Variants in SPTLC3 observed in about 807,000 individuals in gnomAD.
SPTLC3 encodes the protein serine palmitoyltransferase long chain base subunit 3.
Under a neutral mutation model 59.3 loss-of-function variants are expected in SPTLC3, and 36 were observed. That is an observed-to-expected ratio of 0.61 (90% CI 0.47 to 0.80). The LOEUF (loss-of-function observed/expected upper bound fraction) is 0.80. Ranked by LOEUF, SPTLC3 falls within the 30% of genes least tolerant of loss-of-function variation. The pLI is 0.00. For synonymous variants in SPTLC3, 257 were observed against 240.8 expected, an observed-to-expected ratio of 1.07 and a Z score of -0.62; for missense variants, 625 against 685.1, an observed-to-expected ratio of 0.91 and a Z score of 0.98.
At chr20:13,079,984 A>C (rs1033026279) in intron 4 of SPTLC3, 42 of 254,248 alleles carry the variant, frequency 1.7e-4, no homozygotes, top group African/African-American at 8.9e-4. Flanking sequence ...ACCAGAGAAA[A>C]CACCCACAGA....
intron 1 of SPTLC3, among the ~76,000 whole-genome samples, chr20:13,024,552 G>A (rs918409590): frequency 6.6e-6 from 1 of 151,976 alleles, no homozygotes; most frequent in East Asian, 1.9e-4. Context: ...TACATACAAT[G>A]GAATGCACAA....
At chr20:13,127,773 A>T (rs1439031434) in intron 9 of SPTLC3, among the ~76,000 whole-genome samples, 4 of 152,226 alleles carry the variant, frequency 2.6e-5, no homozygotes, top group Non-Finnish European at 5.9e-5. Context: ...AAAGGCCTGC[A>T]GGAGGATATT....
chr20:13,157,123 G>C (rs933954142), intron 10 of SPTLC3, among the ~76,000 whole-genome samples: 7 of 152,098 alleles, frequency 4.6e-5, no homozygotes, highest in Non-Finnish European at 1.0e-4. Context: ...AAATGAAGAT[G>C]CTAAGACTTA....
At position 13,011,718 on chromosome 20, in the gene SPTLC3, G is replaced by C. The variant is rs561798959; in HGVS notation, c.117+2334G>C. Among the ~76,000 whole-genome samples, 3 of 150,750 alleles carry C rather than the reference G, an allele frequency of 2.0e-5. No homozygotes were observed. In the South Asian group the frequency reaches 6.3e-4, roughly 32 times the overall value. On this transcript the variant is annotated intron_variant, in intron 1 of 11. Coordinates refer to ENST00000399002, the MANE Select transcript of SPTLC3 (RefSeq NM_018327.4). ...AGTTCCTTTCTGGAGCTTTTATGGA[G>C]CCTGACTATTTTTCCTGTTTTTTTT...
At chr20:13,136,155 C>T (rs756161530) in intron 9 of SPTLC3, among the ~76,000 whole-genome samples, 7 of 152,054 alleles carry the variant, frequency 4.6e-5, no homozygotes, top group Admixed American at 1.3e-4. Flanking sequence ...CCTCTCTGCC[C>T]TTAAACTGAA....
intron 1 of SPTLC3, among the ~76,000 whole-genome samples, chr20:13,047,753 T>A (rs1298692064): frequency 6.6e-6 from 1 of 152,138 alleles, no homozygotes; most frequent in Non-Finnish European, 1.5e-5. Flanking sequence ...GAAAATTTTT[T>A]AAACTTTTTA....
intron 7 of SPTLC3, among the ~76,000 whole-genome samples, chr20:13,110,686 C>T (rs1245033674): frequency 6.6e-6 from 1 of 152,026 alleles, no homozygotes; most frequent in Non-Finnish European, 1.5e-5. Flanking sequence ...AAAAGATCTG[C>T]CTGTTTTCCC....
intron 9 of SPTLC3, among the ~76,000 whole-genome samples, chr20:13,134,702 G>A (rs1240519439): frequency 3.3e-5 from 5 of 152,074 alleles, no homozygotes; most frequent in African/African-American, 1.2e-4. Flanking sequence ...TGTGCAGTGG[G>A]AGAAGTAAAG....
chr20:13,100,896 C>T (rs1989577377), intron 6 of SPTLC3, among the ~76,000 whole-genome samples: 1 of 152,118 alleles, frequency 6.6e-6, no homozygotes, highest in Admixed American at 6.5e-5. Context: ...TGGTTTGCTT[C>T]CCCCAGCAGC....
chr20:13,076,062 C>A (rs1988635658), intron 4 of SPTLC3, among the ~76,000 whole-genome samples: 1 of 152,178 alleles, frequency 6.6e-6, no homozygotes, highest in African/African-American at 2.4e-5. Flanking sequence ...TTTAATATTT[C>A]TCCATTTCAT....
intron 1 of SPTLC3, among the ~76,000 whole-genome samples, chr20:13,046,985 C>T (rs752448908): frequency 6.6e-6 from 1 of 152,138 alleles, no homozygotes; most frequent in Non-Finnish European, 1.5e-5. Flanking sequence ...CAGGAATATC[C>T]ACCTATGTTA....
At chr20:13,150,883 G>A (rs986558021) in intron 9 of SPTLC3, among the ~76,000 whole-genome samples, 9 of 151,976 alleles carry the variant, frequency 5.9e-5, no homozygotes, top group South Asian at 4.2e-4. Context: ...CTTATCCTTC[G>A]GATCTTTGTT....
In SPTLC3 at chr20:13,165,119, C is replaced by T. The variant is rs557702960; in HGVS notation, c.*252C>T. On this transcript the variant is annotated 3_prime_UTR_variant, in exon 12 of 12. Transcript: ENST00000399002. Reference sequence around the variant, plus strand: ...AGAAATACACACACACACACACACACACTTCTGAGAATATTTTTAATGGCA... The same window carrying T: ...AGAAATACACACACACACACACACATACTTCTGAGAATATTTTTAATGGCA... 5.1e-5 allele frequency: 22 copies of T among 430,028 alleles called. No individual in the cohort carries two copies. The South Asian group carries it at 7.4e-4, about 14-fold the overall frequency. 26.6% of individuals were successfully genotyped at this position (430,028 alleles called of 1,614,324 possible).
At position 13,009,380 on chromosome 20, in the gene SPTLC3, C is replaced by T. The variant is rs1985108749; in HGVS notation, c.113C>T (p.Ala38Val). 1 of 1,613,270 alleles carries T rather than the reference C, an allele frequency of 6.2e-7. No individual in the cohort carries two copies. Among genetic ancestry groups the T allele is most frequent in the Admixed American group, 1.7e-5 (1 of 59,960 alleles). Residue 38 changes from alanine to valine, a missense_variant, in exon 1 of 12, where the codon GCC becomes GTC. By Grantham distance (64) the Ala-to-Val change is moderately conservative. Coordinates refer to ENST00000399002, the MANE Select transcript of SPTLC3 (RefSeq NM_018327.4). ...ACAAAGAATGGAATAGTGAAGGAAG[C>T]CCAGGTAAGAGGCACTCTCCCCTAC... ...NCTKNGIVKE[A>V]QQNGKPHFYD... is the part of the protein sequence containing the mutation.
intron 9 of SPTLC3, among the ~76,000 whole-genome samples, chr20:13,127,134 G>A (rs1299750184): frequency 6.6e-6 from 1 of 152,174 alleles, no homozygotes; most frequent in East Asian, 1.9e-4. Flanking sequence ...GTTGGACAGT[G>A]GAAGGCCACC....
intron 6 of SPTLC3, among the ~76,000 whole-genome samples, chr20:13,105,236 A>G (rs1989817470): frequency 6.6e-6 from 1 of 151,576 alleles, no homozygotes; most frequent in African/African-American, 2.4e-5. Flanking sequence ...CTGTGATTCT[A>G]AGAGGTCGGA....
In SPTLC3 at chr20:13,048,219, C is replaced by T. The variant is rs187085814; in HGVS notation, c.118-726C>T. Among the ~76,000 whole-genome samples the T allele has an allele frequency of 2.6e-5, 4 of 152,246 alleles. No homozygotes were observed. The East Asian group carries it at 7.7e-4, about 29-fold the overall frequency. ...GAGACCTACAAATACATATGGTCCA[C>T]ATTTGGATTTCCACAGTTGCTCAAA... On this transcript the variant is annotated intron_variant, in intron 1 of 11. Transcript: ENST00000399002.
rs1213837886 is a variant in SPTLC3, at chr20:13,167,626, A to G, written c.*2759A>G. ...GAGGCTATCTCTGTATAATAAGGAA[A>G]TGGCATAGACTTATTCCTAATCTCA... On this transcript the variant is annotated 3_prime_UTR_variant, in exon 12 of 12. Coordinates refer to ENST00000399002, the MANE Select transcript of SPTLC3 (RefSeq NM_018327.4). 1 of 152,222 alleles carries G rather than the reference A, an allele frequency of 6.6e-6. No individual in the cohort carries two copies. Among genetic ancestry groups the G allele is most frequent in the Non-Finnish European group, 1.5e-5 (1 of 68,034 alleles). 9.4% of individuals were successfully genotyped at this position (152,222 alleles called of 1,614,324 possible). A position where few individuals can be genotyped will look rare whatever the true frequency, so the allele number is the denominator to read the frequency against.
At chr20:13,048,910 G>A (rs762826543) in intron 1 of SPTLC3, 35 bp from the exon 2 acceptor site, 1 of 1,517,892 alleles carries the variant, frequency 6.6e-7, no homozygotes, top group South Asian at 1.4e-5. Flanking sequence ...TGTAACAGGA[G>A]AATGCTAACC....
Sources: gnomAD v4.1 joint callset for allele counts (sites outside exome capture counted in the v4.1 genomes callset) on GRCh38, gnomAD v4.1.1 for gene constraint, MANE v1.5 for transcripts, NCBI Gene and HGNC (gene_info 2026-07-23, HGNC 2026-07-21) for gene names.